The following RAB5A variants were observed in gnomAD, a reference collection of about 807,000 sequenced individuals.
The protein encoded by RAB5A is RAB5A, member RAS oncogene family.
Under a neutral mutation model 25.7 loss-of-function variants are expected in RAB5A, and 8 were observed. The observed-to-expected ratio is 0.31, with a 90% CI of 0.18 to 0.56. The LOEUF (loss-of-function observed/expected upper bound fraction) is 0.56. Among genes scored for constraint, RAB5A ranks in the 20% least tolerant of loss-of-function variants. The pLI is 0.91. For missense variants in RAB5A, 192 were observed against 259.7 expected (o/e 0.74, Z 1.79); for synonymous variants, 98 against 89.8 (o/e 1.09, Z -0.52).
chr3:19,976,140 C>T lies in RAB5A; in HGVS notation c.409C>T (p.Leu137=), dbSNP rs775519075. ...AGCTTTATCGGGAAACAAGGCCGAC[C>T]TAGCAAATAAAAGAGCAGTAGATTT... ...VIALSGNKAD[L]ANKRAVDFQE... is the part of the protein sequence containing the mutation. Residue 137 remains leucine, a synonymous_variant, in exon 4 of 6, where the codon CTA becomes TTA. Transcript: ENST00000273047. 1 of 1,610,792 alleles carries T rather than the reference C, an allele frequency of 6.2e-7. No homozygotes were observed. Among genetic ancestry groups the T allele is most frequent in the Admixed American group, 1.7e-5 (1 of 59,324 alleles).
At chr3:19,970,463 G>T (rs1205122517) in intron 2 of RAB5A, 3 of 428,558 alleles carry the variant, frequency 7.0e-6, no homozygotes, top group Admixed American at 2.7e-5. Flanking sequence ...AGCTGATCAC[G>T]TAGCTCAGAG....
chr3:19,970,274 C>T (rs1423647626), intron 2 of RAB5A, among the ~76,000 whole-genome samples: 2 of 152,200 alleles, frequency 1.3e-5, no homozygotes, highest in Non-Finnish European at 2.9e-5. Context: ...CAGTGTGTTA[C>T]AGTGTCTTCC....
At chr3:19,980,821 T>A (rs1291206090) in intron 5 of RAB5A, among the ~76,000 whole-genome samples, 1 of 152,208 alleles carries the variant, frequency 6.6e-6, no homozygotes, top group Non-Finnish European at 1.5e-5. Context: ...AGTGGCCCAA[T>A]TGAAGGCTTT....
intron 2 of RAB5A, among the ~76,000 whole-genome samples, chr3:19,969,678 T>C (rs1696716740): frequency 6.6e-6 from 1 of 152,218 alleles, no homozygotes; most frequent in Non-Finnish European, 1.5e-5. Context: ...ATAAAGCAAT[T>C]CTTTCCTGTC....
chr3:19,979,286 C>CTT (rs780232080), intron 5 of RAB5A, among the ~76,000 whole-genome samples: 4 of 120,290 alleles, frequency 3.3e-5, no homozygotes, highest in African/African-American at 1.2e-4. Context: ...AAGGTACTTT[C>CTT]TTTTTTTTTT....
rs747201801 is a variant in RAB5A, at chr3:19,975,609, C to T, written c.172C>T (p.Leu58=). 3.1e-6 allele frequency: 5 copies of T among 1,608,168 alleles called. No homozygotes were observed. In the East Asian group the frequency reaches 1.1e-4, roughly 36 times the overall value. ...TAGTCCTTTTCTTTCAGCTGCTTTT[C>T]TAACCCAAACTGTATGTCTTGATGA... ...FQESTIGAAF[L]TQTVCLDDTT... is the part of the protein sequence containing the mutation. Residue 58 remains leucine, a synonymous_variant, in exon 3 of 6, where the codon CTA becomes TTA. Transcript: ENST00000273047.
intron 2 of RAB5A, among the ~76,000 whole-genome samples, chr3:19,969,757 C>G (rs1696717740): frequency 6.6e-6 from 1 of 152,176 alleles, no homozygotes; most frequent in African/African-American, 2.4e-5. Flanking sequence ...TTTCCCCTTT[C>G]TGTTTAATTC....
At chr3:19,964,487 T>C (rs563757154) in intron 2 of RAB5A, among the ~76,000 whole-genome samples, 42 of 152,364 alleles carry the variant, frequency 2.8e-4, no homozygotes, top group African/African-American at 9.6e-4. Flanking sequence ...GCAGAGACTT[T>C]CTTAGGATTA....
At chr3:19,983,200 G>A (rs1696964464) in intron 5 of RAB5A, among the ~76,000 whole-genome samples, 1 of 151,970 alleles carries the variant, frequency 6.6e-6, no homozygotes, top group South Asian at 2.1e-4. Context: ...GCTGGGTGTG[G>A]TGGGGCATGC....
intron 2 of RAB5A, chr3:19,970,562 A>G (rs780187822): frequency 1.8e-5 from 8 of 456,600 alleles, no homozygotes; most frequent in Middle Eastern, 3.2e-4. Flanking sequence ...TCTCGAAGTG[A>G]TAAAAGCTGT....
intron 2 of RAB5A, among the ~76,000 whole-genome samples, chr3:19,970,248 T>C (rs972197338): frequency 2.6e-5 from 4 of 152,248 alleles, no homozygotes; most frequent in Non-Finnish European, 5.9e-5. Flanking sequence ...TCAATTTGAA[T>C]ATCCTTTCCC....
At chr3:19,954,024 A>AT (rs145524739) in intron 2 of RAB5A, among the ~76,000 whole-genome samples, 23,273 of 151,822 alleles carry the variant, frequency 0.15, 1,992 homozygotes, top group Non-Finnish European at 0.2. Flanking sequence ...CTGTTGGTTT[A>AT]TTTTTTTTGA....
Position 19,969,815 on chromosome 3 carries a change from T to C in RAB5A, c.164-5786T>C, listed in dbSNP as rs571067200. Reference sequence around the variant, plus strand: ...GGGTGGCGGTTACTTTGTTTTTCTTTTTTTTCTTGAGACGGAGTCTCACTC... The same window carrying C: ...GGGTGGCGGTTACTTTGTTTTTCTTCTTTTTCTTGAGACGGAGTCTCACTC... On this transcript the variant is annotated intron_variant, in intron 2 of 5. Transcript: ENST00000273047. Among the ~76,000 whole-genome samples, 3 of 152,360 alleles carry C rather than the reference T, an allele frequency of 2.0e-5. No homozygotes were observed. In the East Asian group the frequency reaches 5.8e-4, roughly 29 times the overall value.
Position 19,984,337 on chromosome 3 carries a change from C to T in RAB5A, c.*514C>T. 1 of 399,946 alleles carries T rather than the reference C, an allele frequency of 2.5e-6. No individual in the cohort carries two copies. The highest frequency in any genetic ancestry group is 4.9e-6 in the Non-Finnish European group (1 of 205,144). 24.8% of individuals were successfully genotyped at this position (399,946 alleles called of 1,614,324 possible). A position where few individuals can be genotyped will look rare whatever the true frequency, so the allele number is the denominator to read the frequency against. ...ACATTCCACATTTTAATAAATTAAC[C>T]ACAAGAAAATAATCCCACATATACA... On this transcript the variant is annotated 3_prime_UTR_variant, in exon 6 of 6. Coordinates refer to ENST00000273047, the MANE Select transcript of RAB5A (RefSeq NM_004162.5).
chr3:19,952,828 T>C (rs1395907175), intron 2 of RAB5A, among the ~76,000 whole-genome samples: 1 of 152,152 alleles, frequency 6.6e-6, no homozygotes, highest in Non-Finnish European at 1.5e-5. Flanking sequence ...ATATCCAGTT[T>C]AATAATGAAA....
chr3:19,958,617 G>C (rs1045138038), intron 2 of RAB5A, among the ~76,000 whole-genome samples: 1 of 152,204 alleles, frequency 6.6e-6, no homozygotes, highest in Non-Finnish European at 1.5e-5. Context: ...GCCGAGGCAG[G>C]CATATCACCT....
intron 4 of RAB5A, among the ~76,000 whole-genome samples, chr3:19,976,775 CTTTA>C (rs1443042757): frequency 1.3e-5 from 2 of 152,178 alleles, no homozygotes; most frequent in African/African-American, 4.8e-5. Context: ...CCCACACATA[CTTTA>C]TGTCCTAACC....
chr3:19,961,237 A>G (rs562655395), intron 2 of RAB5A, among the ~76,000 whole-genome samples: 1 of 152,212 alleles, frequency 6.6e-6, no homozygotes, highest in Non-Finnish European at 1.5e-5. Flanking sequence ...ATGGGAAGGT[A>G]CTAATTTTAT....
chr3:19,977,770 T>C (rs1385858007), intron 4 of RAB5A, among the ~76,000 whole-genome samples: 1 of 152,184 alleles, frequency 6.6e-6, no homozygotes, highest in Non-Finnish European at 1.5e-5. Context: ...AAAGTAATAA[T>C]ATATGTAAAC....
Sources: gnomAD v4.1 joint callset for allele counts (sites outside exome capture counted in the v4.1 genomes callset) on GRCh38, gnomAD v4.1.1 for gene constraint, MANE v1.5 for transcripts, NCBI Gene and HGNC (gene_info 2026-07-23, HGNC 2026-07-21) for gene names.